The following SYNJ2 variants were observed in gnomAD, a reference collection of about 807,000 sequenced individuals.
The protein encoded by SYNJ2 is synaptojanin 2, also known as polyphosphatidylinositol phosphatase SYNJ2.
In SYNJ2, 116 loss-of-function variants were observed where a neutral mutation model predicts 141.3. That is an observed-to-expected ratio of 0.82 (90% CI 0.71 to 0.96). The LOEUF (loss-of-function observed/expected upper bound fraction) is 0.96. Among genes scored for constraint, SYNJ2 ranks in the 40% least tolerant of loss-of-function variants. The pLI is 0.00. For synonymous variants in SYNJ2, 745 were observed against 777.7 expected (o/e 0.96, Z 0.70); for missense variants, 1,873 against 1,934.8 (o/e 0.97, Z 0.60).
chr6:157,996,730 C>T (rs1306251802), intron 1 of SYNJ2, among the ~76,000 whole-genome samples: 1 of 152,152 alleles, frequency 6.6e-6, no homozygotes, highest in Non-Finnish European at 1.5e-5. Context: ...CAGTGAGTTG[C>T]CACAAGATCT....
intron 4 of SYNJ2, among the ~76,000 whole-genome samples, chr6:158,038,510 C>G (rs1779759710): frequency 6.6e-6 from 1 of 152,196 alleles, no homozygotes; most frequent in Admixed American, 6.5e-5. Context: ...GCCTATGTTT[C>G]AGGCTGTGCT....
rs927300892 is a variant in SYNJ2 at position 158,083,666 on chromosome 6, C to G, written c.3034+69C>G. ...CAACAGGCCTGAGCTTTTAAGGACA[C>G]CTTCTAAAGCCTCCCTTGCAGAAGT... is the stretch of plus-strand genomic sequence containing the variant. On this transcript the variant is annotated intron_variant, in intron 21 of 26. Transcript: ENST00000355585. 4 of 1,580,274 alleles carry G rather than the reference C, an allele frequency of 2.5e-6. No homozygotes were observed. In the African/African-American group the frequency reaches 5.4e-5, roughly 21 times the overall value.
intron 1 of SYNJ2, among the ~76,000 whole-genome samples, chr6:157,985,758 T>C (rs1453469696): frequency 3.3e-5 from 5 of 152,078 alleles, no homozygotes; most frequent in Admixed American, 1.3e-4. Flanking sequence ...GTGCGGGCTG[T>C]GTGTGAGTGA....
intron 12 of SYNJ2, among the ~76,000 whole-genome samples, chr6:158,068,122 G>A (rs1408647213): frequency 6.8e-6 from 1 of 146,496 alleles, no homozygotes; most frequent in Non-Finnish European, 1.5e-5. Context: ...CAGACAGAGG[G>A]ACGGGGATTG....
chr6:158,049,805 T>G (rs948851678), intron 5 of SYNJ2, among the ~76,000 whole-genome samples: 3 of 151,802 alleles, frequency 2.0e-5, no homozygotes, highest in East Asian at 1.9e-4. Context: ...GCTCTGCAGG[T>G]GGGGACACGG....
intron 4 of SYNJ2, among the ~76,000 whole-genome samples, chr6:158,036,149 C>A (rs1297769473): frequency 6.6e-6 from 1 of 152,098 alleles, no homozygotes; most frequent in Non-Finnish European, 1.5e-5. Flanking sequence ...ATTTGACTTG[C>A]GTGAATATTA....
chr6:158,033,822 A>G, intron 4 of SYNJ2, 142 bp downstream of exon 4: 2 of 796,910 alleles, frequency 2.5e-6, no homozygotes, highest in South Asian at 1.8e-5. Context: ...AGTGGAGAAC[A>G]GCACGTGTAA....
chr6:158,017,584 T>G (rs557596598), intron 2 of SYNJ2: 143 of 419,134 alleles, frequency 3.4e-4, no homozygotes, highest in South Asian at 2.9e-3. Context: ...CCAACTAATT[T>G]TTTGTATTTT....
intron 3 of SYNJ2, among the ~76,000 whole-genome samples, chr6:158,029,937 A>G (rs945001533): frequency 6.6e-6 from 1 of 152,132 alleles, no homozygotes; most frequent in African/African-American, 2.4e-5. Context: ...CAGGATTTGA[A>G]CCCAGGCTTT....
intron 2 of SYNJ2, among the ~76,000 whole-genome samples, chr6:158,022,944 A>G (rs987827564): frequency 2.0e-5 from 3 of 152,182 alleles, no homozygotes; most frequent in Admixed American, 2.0e-4. Context: ...AAGCCAGGAC[A>G]CTTTCCTTAA....
chr6:158,050,444 G>A (rs1279783778), intron 5 of SYNJ2, among the ~76,000 whole-genome samples: 1 of 152,248 alleles, frequency 6.6e-6, no homozygotes, highest in Non-Finnish European at 1.5e-5. Context: ...GCTCCCGACT[G>A]ACTTCTTAGT....
Position 158,061,998 on chromosome 6 carries a change from C to G in SYNJ2, c.961C>G (p.Leu321Val), listed in dbSNP as rs763029513. The stretch of plus-strand genomic sequence containing the variant: ...CCTCCCCTCCTCTTTTCAGAAGCTG[C>G]TCTGGGCTTCTTGCCACGCGGGCGA... ...EVLNRAFKKL[L>V]WASCHAGDTP... The change falls in exon 8 of 27, where the codon CTC (leucine) becomes GTC (valine). Residue 321 changes from leucine to valine, a missense_variant. By Grantham distance (32) the Leu-to-Val change is conservative (BLOSUM62 1). Coordinates refer to ENST00000355585, the MANE Select transcript of SYNJ2 (RefSeq NM_003898.4). 8.1e-6 allele frequency: 13 copies of G among 1,613,722 alleles called. No homozygotes were observed. The highest frequency in any genetic ancestry group is 2.7e-5 in the African/African-American group (2 of 74,944).
chr6:158,050,902 C>G lies in SYNJ2; in HGVS notation c.796-4065C>G, dbSNP rs550824950. Among the ~76,000 whole-genome samples the G allele has an allele frequency of 3.9e-5, 6 of 152,076 alleles. No homozygotes were observed. The East Asian group carries it at 7.7e-4, about 20-fold the overall frequency. On this transcript the variant is annotated intron_variant, in intron 5 of 26. Transcript: ENST00000355585. Reference sequence around the variant, plus strand: ...ACCCAGGCCAGGGGATTCAGCGTCTCCCATCCCTTTCCCACCTTTCCATGA... The same window carrying G: ...ACCCAGGCCAGGGGATTCAGCGTCTGCCATCCCTTTCCCACCTTTCCATGA...
At position 158,066,496 on chromosome 6, in the gene SYNJ2, T is replaced by C; in HGVS notation, c.1578T>C (p.Asn526=). The C allele has an allele frequency of 6.2e-7, 1 of 1,614,152 alleles. No homozygotes were observed. The highest frequency in any genetic ancestry group is 8.5e-7 in the Non-Finnish European group (1 of 1,180,034). The stretch of plus-strand genomic sequence containing the variant: ...CTGAGCGTCAGTCCGAATTCACAAA[T>C]TTCAAGCGGATCCGGATTGCTATGG... The part of the protein sequence containing the change: ...AMTERQSEFT[N]FKRIRIAMGT... The change falls in exon 12 of 27, where the codon AAT becomes AAC. Residue 526 remains asparagine (N), a synonymous_variant. Transcript: ENST00000355585.
At chr6:157,984,082 C>T (rs1020142442) in intron 1 of SYNJ2, among the ~76,000 whole-genome samples, 6 of 152,170 alleles carry the variant, frequency 3.9e-5, no homozygotes, top group Non-Finnish European at 5.9e-5. Flanking sequence ...GTGATCTTTC[C>T]GCCTTGGTCT....
chr6:158,059,843 C>T (rs990869282), intron 7 of SYNJ2, among the ~76,000 whole-genome samples: 1 of 152,228 alleles, frequency 6.6e-6, no homozygotes, highest in Non-Finnish European at 1.5e-5. Flanking sequence ...GCGTGAGCCA[C>T]CGCGCCCGGC....
rs749760770 is a variant in SYNJ2 at position 158,095,828 on chromosome 6, G to C, written c.3955G>C (p.Val1319Leu). ...DEAPPGAGAS[V>L]PPPLEAPPLV... ...AGCCCCTCCTGGGGCAGGAGCCTCT[G>C]TGCCACCACCTCTGGAGGCGCCGCC... Residue 1319 changes from valine to leucine, a missense_variant, in exon 27 of 27, where the codon GTG (valine) becomes CTG (leucine). Val to Leu is a conservative substitution (Grantham distance 32). Coordinates refer to ENST00000355585, the MANE Select transcript of SYNJ2 (RefSeq NM_003898.4). 6.2e-7 allele frequency: 1 copy of C among 1,614,018 alleles called. No homozygotes were observed. Among genetic ancestry groups the C allele is most frequent in the East Asian group, 2.2e-5 (1 of 44,886 alleles).
Position 158,093,034 on chromosome 6 carries a change from C to A in SYNJ2, c.3674C>A (p.Pro1225Gln), listed in dbSNP as rs147690185. Residue 1225 changes from proline (P) to glutamine (Q), a missense_variant, in exon 26 of 27, where the codon CCA becomes CAA. By Grantham distance (76) the Pro-to-Gln change is moderately conservative. Coordinates refer to ENST00000355585, the MANE Select transcript of SYNJ2 (RefSeq NM_003898.4). The stretch of plus-strand genomic sequence containing the variant: ...AAACCAGAGACCCCACAGGCGCCCC[C>A]ACTCCTTCCCCGTCGGCCCCCACCC... ...AAKPETPQAP[P>Q]LLPRRPPPRV... 12 of 1,611,566 alleles carry A rather than the reference C, an allele frequency of 7.4e-6. No homozygotes were observed. Among genetic ancestry groups the A allele is most frequent in the Non-Finnish European group, 9.3e-6 (11 of 1,179,456 alleles).
At chr6:157,997,484 A>C (rs1777677294) in intron 1 of SYNJ2, among the ~76,000 whole-genome samples, 2 of 152,280 alleles carry the variant, frequency 1.3e-5, no homozygotes, top group South Asian at 4.1e-4. Context: ...CAGAGATGGG[A>C]GTGACACTGC....
Sources: allele counts gnomAD v4.1 joint callset (sites outside exome capture counted in the v4.1 genomes callset), GRCh38; gene constraint gnomAD v4.1.1; transcripts MANE v1.5; gene names NCBI Gene and HGNC (gene_info 2026-07-23, HGNC 2026-07-21).